Variants in NR2C2 observed in about 807,000 individuals in gnomAD.
NR2C2 encodes Nuclear hormone receptor TR4.
In NR2C2, 6 loss-of-function variants were observed where a neutral mutation model predicts 62.9. That is an observed-to-expected ratio of 0.10 (90% CI 0.05 to 0.19). The LOEUF (loss-of-function observed/expected upper bound fraction) is 0.19. Among genes scored for constraint, NR2C2 ranks in the 10% least tolerant of loss-of-function variants. NR2C2 has a pLI of 1.00. For missense variants in NR2C2, 479 were observed against 762.7 expected (o/e 0.63, Z 4.38); for synonymous variants, 272 against 273.8 (o/e 0.99, Z 0.07).
intron 3 of NR2C2, among the ~76,000 whole-genome samples, chr3:15,015,087 C>G (rs1474875044): frequency 6.6e-6 from 1 of 152,158 alleles, no homozygotes; most frequent in Non-Finnish European, 1.5e-5. Context: ...CTTCCTTTCC[C>G]GGAGTACATT....
intron 1 of NR2C2, among the ~76,000 whole-genome samples, chr3:14,958,891 G>T (rs1559527523): frequency 6.6e-6 from 1 of 152,226 alleles, no homozygotes; most frequent in Non-Finnish European, 1.5e-5. Flanking sequence ...CAGGAGAATC[G>T]CTTGAACCAG....
At chr3:15,001,318 G>GTTT (rs61017075) in intron 1 of NR2C2, among the ~76,000 whole-genome samples, 133 of 97,498 alleles carry the variant, frequency 1.4e-3, no homozygotes, top group South Asian at 2.8e-3. Context: ...TTTGTTTTGG[G>GTTT]TTTTTTTTTT....
chr3:15,019,016 TAAAAAA>T (rs35022020), intron 4 of NR2C2, among the ~76,000 whole-genome samples: 3 of 76,516 alleles, frequency 3.9e-5, no homozygotes, highest in African/African-American at 1.2e-4. Flanking sequence ...ACTCTTGTCT[TAAAAAA>T]AAAAAAAAAA....
At position 15,039,328 on chromosome 3, in the gene NR2C2, AG is replaced by A. The variant is rs2042189740; in HGVS notation, c.1616+102del. ...TTATGTTAACCTTTCCATTTTTAGC[AG>A]CCTGATAGAGCCTCCATTGGATCAC... On this transcript the variant is annotated intron_variant, in intron 13 of 13. Transcript: ENST00000425241. The A allele has an allele frequency of 4.1e-6, 3 of 733,544 alleles. No homozygotes were observed. In the African/African-American group the frequency reaches 5.3e-5, roughly 13 times the overall value. 45.4% of individuals were successfully genotyped at this position (733,544 alleles called of 1,614,324 possible).
chr3:15,005,414 A>C (rs1574992491), intron 2 of NR2C2, among the ~76,000 whole-genome samples: 1 of 117,458 alleles, frequency 8.5e-6, no homozygotes, highest in African/African-American at 3.4e-5. Context: ...ATGGGGTTTC[A>C]CCATGTTGCC....
chr3:14,972,624 G>A (rs2040076710), intron 1 of NR2C2, among the ~76,000 whole-genome samples: 1 of 152,174 alleles, frequency 6.6e-6, no homozygotes, highest in Admixed American at 6.5e-5. Context: ...GCCCTTATTA[G>A]ATTGTAGTAG....
chr3:14,957,804 A>G (rs1194513875), intron 1 of NR2C2, among the ~76,000 whole-genome samples: 2 of 150,646 alleles, frequency 1.3e-5, no homozygotes, highest in South Asian at 2.1e-4. Context: ...CTGCAGTCTA[A>G]ATTTTTTTTT....
rs139070917 is a variant in NR2C2, at chr3:15,016,171, C to T, written c.293C>T (p.Ser98Phe). Residue 98 changes from serine (S) to phenylalanine (F), a missense_variant, in exon 4 of 14, where the codon TCT becomes TTT. Ser to Phe is a radical substitution (Grantham distance 155, BLOSUM62 -2). Coordinates refer to ENST00000425241, the MANE Select transcript of NR2C2 (RefSeq NM_001291694.2). ...TCTCAGATTGTCACGGATTCTGCCT[C>T]TGTGGAGCGTTTACTGGGGAAGACG... ...GRIQIVTDSA[S>F]VERLLGKTDV... The T allele has an allele frequency of 6.2e-7, 1 of 1,614,014 alleles. No homozygotes were observed. The highest frequency in any genetic ancestry group is 1.3e-5 in the African/African-American group (1 of 75,036).
intron 1 of NR2C2, among the ~76,000 whole-genome samples, chr3:14,984,409 A>T (rs965565799): frequency 2.0e-5 from 3 of 152,106 alleles, no homozygotes; most frequent in African/African-American, 7.2e-5. Context: ...TTGATATCTC[A>T]GCCTTTCTTC....
At chr3:14,985,188 G>A (rs931119373) in intron 1 of NR2C2, among the ~76,000 whole-genome samples, 2 of 152,038 alleles carry the variant, frequency 1.3e-5, no homozygotes, top group Non-Finnish European at 2.9e-5. Context: ...TACATGTCCT[G>A]TATGAGCTAT....
rs914006078 is a variant in NR2C2, at chr3:14,947,815, C to T, written c.-131C>T. 2.0e-5 allele frequency: 3 copies of T among 149,560 alleles called. No individual in the cohort carries two copies. Among genetic ancestry groups the T allele is most frequent in the Non-Finnish European group, 4.5e-5 (3 of 67,026 alleles). The allele number at this position is 149,560 out of a possible 1,614,324, so 9.3% of individuals were successfully genotyped here. ...TCCCGCCATCCGCCGACACCGGGAGCCCGGGCTCCCCGCGCCCTGCCCTCC... is the reference window on the plus strand; with the variant it reads ...TCCCGCCATCCGCCGACACCGGGAGTCCGGGCTCCCCGCGCCCTGCCCTCC... On this transcript the variant is annotated 5_prime_UTR_variant, in exon 1 of 14. Coordinates refer to ENST00000425241, the MANE Select transcript of NR2C2 (RefSeq NM_001291694.2).
At chr3:15,011,437 C>T (rs2041349820) in intron 2 of NR2C2, among the ~76,000 whole-genome samples, 2 of 152,232 alleles carry the variant, frequency 1.3e-5, no homozygotes, top group African/African-American at 4.8e-5. Context: ...AGAATCCCTT[C>T]TGTGGCAGCT....
chr3:14,988,283 GACC>G (rs2040565356), intron 1 of NR2C2, among the ~76,000 whole-genome samples: 2 of 152,200 alleles, frequency 1.3e-5, no homozygotes, highest in Non-Finnish European at 2.9e-5. Flanking sequence ...GAATCTTATT[GACC>G]CCCTGCTCTC....
intron 2 of NR2C2, among the ~76,000 whole-genome samples, chr3:15,012,417 G>A (rs2041381699): frequency 6.6e-6 from 1 of 152,064 alleles, no homozygotes; most frequent in African/African-American, 2.4e-5. Flanking sequence ...GTAGAGACAG[G>A]GTTTCGCCAT....
intron 2 of NR2C2, among the ~76,000 whole-genome samples, chr3:15,006,814 C>G (rs1031736077): frequency 6.7e-6 from 1 of 149,372 alleles, no homozygotes; most frequent in African/African-American, 2.5e-5. Context: ...TCGCTCTTGT[C>G]GCCCAGGCTG....
chr3:14,995,282 C>T (rs143962723), intron 1 of NR2C2, among the ~76,000 whole-genome samples: 4 of 148,118 alleles, frequency 2.7e-5, no homozygotes, highest in Non-Finnish European at 4.5e-5. Flanking sequence ...GTGCAGCCAT[C>T]GCTAATACCT....
rs1279607982 is a variant in NR2C2 at position 15,041,380 on chromosome 3, C to T, written c.1617-1454C>T. On this transcript the variant is annotated intron_variant, in intron 13 of 13. Coordinates refer to ENST00000425241, the MANE Select transcript of NR2C2 (RefSeq NM_001291694.2). ...TGAGATGGCAGGTCCCTTACACCTT[C>T]GTGTGCCCTGCAAGATTGGAGCACA... 2.0e-5 allele frequency among the ~76,000 whole-genome samples: 3 copies of T among 152,248 alleles called. No individual in the cohort carries two copies. The East Asian group carries it at 5.8e-4, about 29-fold the overall frequency.
chr3:15,020,421 A>G (rs901014571), intron 4 of NR2C2, among the ~76,000 whole-genome samples: 3 of 152,250 alleles, frequency 2.0e-5, no homozygotes, highest in African/African-American at 7.2e-5. Flanking sequence ...AGTGGACAGT[A>G]GAGTTCAGCC....
intron 1 of NR2C2, among the ~76,000 whole-genome samples, chr3:14,969,192 C>T (rs2039960973): frequency 6.7e-6 from 1 of 150,274 alleles, no homozygotes; most frequent in African/African-American, 2.4e-5. Context: ...AAATTTAAAG[C>T]AGACATATAG....
Sources: gnomAD v4.1 joint callset for allele counts (sites outside exome capture counted in the v4.1 genomes callset) on GRCh38, gnomAD v4.1.1 for gene constraint, MANE v1.5 for transcripts, NCBI Gene and HGNC (gene_info 2026-07-23, HGNC 2026-07-21) for gene names.